Variants in PDE4B observed in about 807,000 individuals in gnomAD.
The protein encoded by PDE4B is 3',5'-cyclic-AMP phosphodiesterase 4B.
Under a neutral mutation model 82.2 loss-of-function variants are expected in PDE4B, and 20 were observed. The ratio of observed to expected loss-of-function variants is 0.24; its 90% confidence interval spans 0.17 to 0.35. PDE4B has a LOEUF of 0.35. Among genes scored for constraint, PDE4B ranks in the 10% least tolerant of loss-of-function variants. PDE4B has a pLI of 1.00. For synonymous variants in PDE4B, 320 were observed against 318.9 expected (o/e 1.00, Z -0.04); for missense variants, 655 against 907.2 (o/e 0.72, Z 3.57).
At chr1:65,935,364 A>G (rs996707553) in intron 3 of PDE4B, among the ~76,000 whole-genome samples, 4 of 144,002 alleles carry the variant, frequency 2.8e-5, no homozygotes, top group Non-Finnish European at 4.6e-5. Flanking sequence ...TGGGATGCAG[A>G]AAAAAAAAAA....
chr1:66,120,533 A>C (rs1645688820), intron 3 of PDE4B, among the ~76,000 whole-genome samples: 1 of 152,166 alleles, frequency 6.6e-6, no homozygotes, highest in South Asian at 2.1e-4. Flanking sequence ...TCAGTACACA[A>C]ATGGGTTTTA....
At chr1:66,255,482 T>C (rs1301039653) in intron 4 of PDE4B, among the ~76,000 whole-genome samples, 1 of 152,226 alleles carries the variant, frequency 6.6e-6, no homozygotes, top group Admixed American at 6.5e-5. Flanking sequence ...ATCCTTATTC[T>C]CTACAAATGT....
intron 3 of PDE4B, among the ~76,000 whole-genome samples, chr1:65,925,283 T>C (rs1391175532): frequency 4.6e-5 from 7 of 152,274 alleles, no homozygotes; most frequent in Middle Eastern, 6.8e-3. Context: ...TGGCACATGT[T>C]GTATGTAACA....
At chr1:65,862,766 G>A (rs1403098824) in intron 1 of PDE4B, among the ~76,000 whole-genome samples, 3 of 151,980 alleles carry the variant, frequency 2.0e-5, no homozygotes, top group African/African-American at 7.3e-5. Flanking sequence ...GCTTCTTCCT[G>A]GTTTAATCTT....
chr1:66,298,171 C>T (rs1353570807), intron 7 of PDE4B, among the ~76,000 whole-genome samples: 1 of 152,124 alleles, frequency 6.6e-6, no homozygotes. Context: ...CATGCTGACT[C>T]TTGTTCTCAA....
intron 3 of PDE4B, among the ~76,000 whole-genome samples, chr1:66,184,691 G>A (rs1005470088): frequency 1.3e-5 from 2 of 152,076 alleles, no homozygotes; most frequent in African/African-American, 4.8e-5. Flanking sequence ...AGGTGTAGAA[G>A]CACACTTGGC....
chr1:66,281,934 A>T (rs1244540555), intron 7 of PDE4B, among the ~76,000 whole-genome samples: 1 of 152,210 alleles, frequency 6.6e-6, no homozygotes, highest in African/African-American at 2.4e-5. Flanking sequence ...AAAGACACTC[A>T]GCTAGTAAGC....
At chr1:66,152,292 T>A (rs1026524097) in intron 3 of PDE4B, 1 of 162,546 alleles carries the variant, frequency 6.2e-6, no homozygotes, top group Non-Finnish European at 1.4e-5. Flanking sequence ...TTCCCAGTGC[T>A]GTTTACTTAA....
At chr1:66,300,917 G>T (rs1429835407) in intron 7 of PDE4B, among the ~76,000 whole-genome samples, 4 of 152,032 alleles carry the variant, frequency 2.6e-5, no homozygotes, top group Admixed American at 6.6e-5. Context: ...CCCAAACATA[G>T]CATTACTGAT....
At chr1:65,841,037 C>A (rs371223111) in intron 1 of PDE4B, among the ~76,000 whole-genome samples, 18 of 152,206 alleles carry the variant, frequency 1.2e-4, no homozygotes, top group African/African-American at 4.1e-4. Flanking sequence ...TTGTTTACAC[C>A]GGTAATCCCA....
chr1:65,913,438 G>A, intron 2 of PDE4B, 82 bp downstream of exon 2: 1 of 1,327,448 alleles, frequency 7.5e-7, no homozygotes, highest in Non-Finnish European at 1.1e-6. Context: ...GGCAGCTGGG[G>A]GCATTTAACA....
At chr1:66,195,080 CAT>C (rs1289517465) in intron 3 of PDE4B, among the ~76,000 whole-genome samples, 5 of 152,156 alleles carry the variant, frequency 3.3e-5, no homozygotes, top group Non-Finnish European at 7.4e-5. Context: ...CAAATCTACA[CAT>C]GAGTTTCCTA....
intron 3 of PDE4B, among the ~76,000 whole-genome samples, chr1:66,137,417 T>A (rs1320291745): frequency 6.6e-6 from 1 of 152,216 alleles, no homozygotes; most frequent in Non-Finnish European, 1.5e-5. Context: ...AATGAGATCA[T>A]GTCTGATGGC....
At chr1:66,111,848 AC>A in intron 3 of PDE4B, among the ~76,000 whole-genome samples, 1 of 152,074 alleles carries the variant, frequency 6.6e-6, no homozygotes, top group East Asian at 1.9e-4. Flanking sequence ...ATGGTTTCTT[AC>A]CAAAAATAAA....
At chr1:66,112,213 A>T (rs1557570421) in intron 3 of PDE4B, among the ~76,000 whole-genome samples, 1 of 152,190 alleles carries the variant, frequency 6.6e-6, no homozygotes, top group Non-Finnish European at 1.5e-5. Context: ...CTGAAAAATA[A>T]AAGTACTAAT....
chr1:66,106,651 C>T (rs1161984662), intron 3 of PDE4B, among the ~76,000 whole-genome samples: 1 of 152,078 alleles, frequency 6.6e-6, no homozygotes. Context: ...TCAACTTCTT[C>T]CTGGTTTGGT....
chr1:66,126,118 T>C (rs1472084470), intron 3 of PDE4B, among the ~76,000 whole-genome samples: 1 of 152,224 alleles, frequency 6.6e-6, no homozygotes, highest in Non-Finnish European at 1.5e-5. Flanking sequence ...CATTGTATTG[T>C]TAAGTGATAA....
intron 3 of PDE4B, among the ~76,000 whole-genome samples, chr1:65,976,912 G>T (rs1650440102): frequency 6.6e-6 from 1 of 152,168 alleles, no homozygotes; most frequent in South Asian, 2.1e-4. Context: ...ATAGCAGTGT[G>T]AGAATGGACT....
At chr1:66,015,636 A>G (rs1652731809) in intron 3 of PDE4B, among the ~76,000 whole-genome samples, 1 of 152,204 alleles carries the variant, frequency 6.6e-6, no homozygotes, top group African/African-American at 2.4e-5. Context: ...TAAGGTAGGA[A>G]TAAACTTGGC....
Sources: gnomAD v4.1 joint callset for allele counts (sites outside exome capture counted in the v4.1 genomes callset) on GRCh38, gnomAD v4.1.1 for gene constraint, MANE v1.5 for transcripts, NCBI Gene and HGNC (gene_info 2026-07-23, HGNC 2026-07-21) for gene names.